Variants in CAMKMT observed in about 807,000 individuals in gnomAD.
CAMKMT encodes the protein CaM KMT.
A neutral mutation model predicts 48.0 loss-of-function variants in CAMKMT; 53 were observed. That is an observed-to-expected ratio of 1.10 (90% CI 0.89 to 1.39). The LOEUF is 1.39. Among genes scored for constraint, CAMKMT ranks in the 40% most tolerant of loss-of-function variants. CAMKMT has a pLI of 0.00. For synonymous variants in CAMKMT, 165 were observed against 152.3 expected, an observed-to-expected ratio of 1.08 and a Z score of -0.61; for missense variants, 428 against 402.7, an observed-to-expected ratio of 1.06 and a Z score of -0.54.
intron 3 of CAMKMT, among the ~76,000 whole-genome samples, chr2:44,619,683 T>C (rs760410144): frequency 6.6e-6 from 1 of 152,218 alleles, no homozygotes; most frequent in Non-Finnish European, 1.5e-5. Context: ...TGAAATTTTA[T>C]AGCTAGCTCC....
At chr2:44,408,426 G>T (rs1682935899) in intron 3 of CAMKMT, among the ~76,000 whole-genome samples, 2 of 151,990 alleles carry the variant, frequency 1.3e-5, no homozygotes, top group Admixed American at 1.3e-4. Context: ...TTTATAGAAA[G>T]GTTTCTTGTT....
chr2:44,747,879 T>G (rs192402295), intron 8 of CAMKMT, among the ~76,000 whole-genome samples: 1,587 of 148,954 alleles, frequency 0.011, 25 homozygotes, highest in African/African-American at 0.038. Flanking sequence ...TCTGTGTGTC[T>G]GTGTGTGTGT....
intron 3 of CAMKMT, among the ~76,000 whole-genome samples, chr2:44,542,468 C>G (rs1667168352): frequency 6.6e-6 from 1 of 151,096 alleles, no homozygotes; most frequent in Non-Finnish European, 1.5e-5. Flanking sequence ...TGCTTAGAGT[C>G]TAACTCAGGA....
intron 3 of CAMKMT, among the ~76,000 whole-genome samples, chr2:44,441,914 G>GT (rs1162021889): frequency 6.6e-6 from 1 of 152,118 alleles, no homozygotes; most frequent in Non-Finnish European, 1.5e-5. Context: ...CTTAAGCTTT[G>GT]TTTTTTGTTT....
chr2:44,760,438 G>A (rs1452936938), intron 9 of CAMKMT, among the ~76,000 whole-genome samples: 4 of 151,708 alleles, frequency 2.6e-5, no homozygotes, highest in Non-Finnish European at 2.9e-5. Context: ...GTGAAACCCC[G>A]TCTCTACTAA....
At chr2:44,372,508 G>A (rs1275721894) in intron 1 of CAMKMT, among the ~76,000 whole-genome samples, 1 of 150,806 alleles carries the variant, frequency 6.6e-6, no homozygotes, top group Non-Finnish European at 1.5e-5. Context: ...AATCTTCACT[G>A]TCTTTGCTCT....
intron 7 of CAMKMT, among the ~76,000 whole-genome samples, chr2:44,743,220 T>C (rs1280282947): frequency 6.6e-6 from 1 of 152,212 alleles, no homozygotes; most frequent in Non-Finnish European, 1.5e-5. Flanking sequence ...CCAGGCAGTA[T>C]AGATATAAGC....
At chr2:44,631,254 G>T (rs1277424142) in intron 3 of CAMKMT, among the ~76,000 whole-genome samples, 1 of 152,104 alleles carries the variant, frequency 6.6e-6, no homozygotes, top group Non-Finnish European at 1.5e-5. Context: ...TTGTTGGGTG[G>T]GGGTAAGGGG....
chr2:44,500,698 T>G (rs1669964009), intron 3 of CAMKMT, among the ~76,000 whole-genome samples: 1 of 151,712 alleles, frequency 6.6e-6, no homozygotes, highest in Non-Finnish European at 1.5e-5. Flanking sequence ...TTTTTTTTTT[T>G]TTTTCTGGAG....
intron 3 of CAMKMT, among the ~76,000 whole-genome samples, chr2:44,418,928 T>G (rs1050871052): frequency 6.6e-6 from 1 of 152,218 alleles, no homozygotes; most frequent in Non-Finnish European, 1.5e-5. Flanking sequence ...AGTAAAGTTT[T>G]GTATTTTTCA....
intron 3 of CAMKMT, among the ~76,000 whole-genome samples, chr2:44,516,805 A>G (rs1399910174): frequency 6.7e-6 from 1 of 149,264 alleles, no homozygotes; most frequent in Non-Finnish European, 1.5e-5. Flanking sequence ...ACAATGGCAC[A>G]ATCTCAGCTC....
intron 7 of CAMKMT, among the ~76,000 whole-genome samples, chr2:44,724,283 TA>T (rs980225572): frequency 5.9e-5 from 9 of 152,302 alleles, no homozygotes; most frequent in Non-Finnish European, 1.0e-4. Flanking sequence ...TCCCCTCTCT[TA>T]AAAATTTTTT....
chr2:44,378,540 C>T (rs1466499792), intron 2 of CAMKMT, among the ~76,000 whole-genome samples: 1 of 152,190 alleles, frequency 6.6e-6, no homozygotes, highest in East Asian at 1.9e-4. Flanking sequence ...TGTCACCAGG[C>T]TGGAGTGCAG....
intron 8 of CAMKMT, among the ~76,000 whole-genome samples, chr2:44,747,389 T>C (rs1336198031): frequency 6.6e-6 from 1 of 152,196 alleles, no homozygotes; most frequent in Non-Finnish European, 1.5e-5. Flanking sequence ...CACGGAAGTT[T>C]ACACCTGAAA....
chr2:44,591,213 C>T (rs1486464440), intron 3 of CAMKMT, among the ~76,000 whole-genome samples: 2 of 151,044 alleles, frequency 1.3e-5, no homozygotes, highest in Non-Finnish European at 3.0e-5. Context: ...GTTCTTTTGG[C>T]TTAGGATTGA....
Position 44,500,975 on chromosome 2 carries a change from C to T in CAMKMT, c.376+110670C>T, listed in dbSNP as rs1167775011. ...GTGATTACAGGCATGAGTCATCATGCCCAGCCTCAGATTAGTTGAAGATCA... is the reference window on the plus strand; with the variant it reads ...GTGATTACAGGCATGAGTCATCATGTCCAGCCTCAGATTAGTTGAAGATCA... On this transcript the variant is annotated intron_variant, in intron 3 of 10. Transcript: ENST00000378494. 2.0e-5 allele frequency among the ~76,000 whole-genome samples: 3 copies of T among 151,954 alleles called. 1 individual carries two copies. Among genetic ancestry groups the T allele is most frequent in the South Asian group, 4.2e-4 (2 of 4,812 alleles).
At chr2:44,645,264 C>T (rs1036648199) in intron 3 of CAMKMT, among the ~76,000 whole-genome samples, 1 of 152,214 alleles carries the variant, frequency 6.6e-6, no homozygotes, top group Non-Finnish European at 1.5e-5. Flanking sequence ...GCCTTCGTGG[C>T]ATCACATAAC....
chr2:44,605,829 C>T lies in CAMKMT; in HGVS notation c.377-98454C>T, dbSNP rs1274592964. Among the ~76,000 whole-genome samples the T allele has an allele frequency of 3.3e-5, 5 of 151,934 alleles. No homozygotes were observed. In the South Asian group the frequency reaches 8.3e-4, roughly 25 times the overall value. On this transcript the variant is annotated intron_variant, in intron 3 of 10. Coordinates refer to ENST00000378494, the MANE Select transcript of CAMKMT (RefSeq NM_024766.5). ...GATTAGAGTCTTGCATGTAGAGATT[C>T]CTAAGAAATTATTATGTTGGCATAG...
At chr2:44,498,835 AT>A (rs1400555610) in intron 3 of CAMKMT, among the ~76,000 whole-genome samples, 1 of 152,216 alleles carries the variant, frequency 6.6e-6, no homozygotes, top group Non-Finnish European at 1.5e-5. Context: ...ATATTCCCAA[AT>A]GAGATTGGTC....
Sources: allele counts gnomAD v4.1 joint callset (sites outside exome capture counted in the v4.1 genomes callset), GRCh38; gene constraint gnomAD v4.1.1; transcripts MANE v1.5; gene names NCBI Gene and HGNC (gene_info 2026-07-23, HGNC 2026-07-21).